Variants in RBFOX1 observed in about 807,000 individuals in gnomAD.
The protein encoded by RBFOX1 is RNA binding fox-1 homolog 1, also known as RNA binding protein fox-1 homolog 1.
A neutral mutation model predicts 57.7 loss-of-function variants in RBFOX1; 8 were observed. The ratio of observed to expected loss-of-function variants is 0.14; its 90% CI spans 0.08 to 0.25. The LOEUF is 0.25. Among genes scored for constraint, RBFOX1 ranks in the 10% least tolerant of loss-of-function variants. RBFOX1 has a pLI of 1.00. For synonymous variants in RBFOX1, 326 were observed against 222.4 expected (o/e 1.47, Z -4.15); for missense variants, 611 against 548.5 (o/e 1.11, Z -1.14).
intron 2 of RBFOX1, among the ~76,000 whole-genome samples, chr16:6,342,788 T>C (rs557370982): frequency 8.5e-5 from 13 of 152,316 alleles, no homozygotes; most frequent in African/African-American, 2.2e-4. Flanking sequence ...GTTATTTCTG[T>C]TATATGCCAC....
intron 4 of RBFOX1, among the ~76,000 whole-genome samples, chr16:5,890,431 G>T (rs113210962): frequency 0.058 from 8,829 of 152,140 alleles, 283 homozygotes; most frequent in African/African-American, 0.077. Context: ...GGGCGCAGTG[G>T]CTCATGCCTG....
At chr16:5,701,111 C>T (rs2051031851) in intron 3 of RBFOX1, among the ~76,000 whole-genome samples, 1 of 97,508 alleles carries the variant, frequency 1.0e-5, no homozygotes, top group Non-Finnish European at 3.0e-5. Context: ...CCAGAAAATG[C>T]CTGTTTATTG....
chr16:6,488,092 G>A (rs74005234), intron 2 of RBFOX1, among the ~76,000 whole-genome samples: 2,915 of 152,166 alleles, frequency 0.019, 100 homozygotes, highest in African/African-American at 0.067. Context: ...AAATCAAGGT[G>A]CACTATTTGC....
chr16:5,903,247 C>G (rs1196556838), intron 4 of RBFOX1, among the ~76,000 whole-genome samples: 1 of 152,210 alleles, frequency 6.6e-6, no homozygotes, highest in Non-Finnish European at 1.5e-5. Flanking sequence ...ATATTCTCCA[C>G]TCTACCTTGT....
intron 3 of RBFOX1, among the ~76,000 whole-genome samples, chr16:6,685,190 A>T (rs780278224): frequency 2.0e-5 from 3 of 152,116 alleles, no homozygotes; most frequent in East Asian, 1.9e-4. Context: ...TTACTAACCA[A>T]AAATAAAGAC....
intron 3 of RBFOX1, among the ~76,000 whole-genome samples, chr16:5,753,345 C>T (rs977710386): frequency 1.3e-5 from 2 of 152,088 alleles, no homozygotes; most frequent in African/African-American, 4.8e-5. Flanking sequence ...GAATTTTACA[C>T]TATGTGCCCT....
intron 2 of RBFOX1, chr16:6,483,275 G>T: frequency 7.5e-7 from 1 of 1,332,184 alleles, no homozygotes; most frequent in South Asian, 1.8e-5. Context: ...GGTGTTGATT[G>T]CCTCCTTGCA....
intron 4 of RBFOX1, among the ~76,000 whole-genome samples, chr16:5,933,425 A>G (rs998253254): frequency 7.2e-5 from 11 of 152,182 alleles, no homozygotes; most frequent in Non-Finnish European, 1.3e-4. Flanking sequence ...TGGCTCCGAC[A>G]TGTCAGCCTG....
chr16:5,890,253 G>C (rs1221277190), intron 4 of RBFOX1, among the ~76,000 whole-genome samples: 1 of 152,180 alleles, frequency 6.6e-6, no homozygotes, highest in Non-Finnish European at 1.5e-5. Context: ...ACAGGCATTA[G>C]TAATGCTCTC....
intron 1 of RBFOX1, chr16:6,038,729 A>T (rs921749845): frequency 1.4e-5 from 2 of 147,406 alleles, no homozygotes; most frequent in Admixed American, 1.4e-4. Context: ...ATTGCTTTAG[A>T]GCTTTGATTT....
chr16:5,662,170 C>G (rs2049674614), intron 3 of RBFOX1, among the ~76,000 whole-genome samples: 1 of 152,132 alleles, frequency 6.6e-6, no homozygotes, highest in Admixed American at 6.5e-5. Flanking sequence ...CCTCAGAAAA[C>G]TGGGATTCGT....
intron 4 of RBFOX1, among the ~76,000 whole-genome samples, chr16:7,315,887 A>G (rs1015297296): frequency 1.3e-5 from 2 of 152,178 alleles, no homozygotes; most frequent in Admixed American, 6.5e-5. Context: ...CTTGGTTTAC[A>G]TATATCTTTG....
intron 3 of RBFOX1, among the ~76,000 whole-genome samples, chr16:6,886,642 C>G (rs983728422): frequency 4.0e-5 from 6 of 151,800 alleles, no homozygotes; most frequent in African/African-American, 1.5e-4. Context: ...GTAATCCTAG[C>G]TGCTCAGGAG....
intron 1 of RBFOX1, among the ~76,000 whole-genome samples, chr16:6,185,937 C>G (rs2152800942): frequency 6.6e-6 from 1 of 152,274 alleles, no homozygotes; most frequent in South Asian, 2.1e-4. Flanking sequence ...GAGCTAAGGA[C>G]AGGCAGACCC....
At chr16:6,363,759 C>A (rs1321705673) in intron 2 of RBFOX1, among the ~76,000 whole-genome samples, 1 of 152,172 alleles carries the variant, frequency 6.6e-6, no homozygotes, top group Admixed American at 6.5e-5. Context: ...TTCACTGACA[C>A]CCAGTGACAG....
chr16:7,663,740 A>C (rs1475031685), intron 12 of RBFOX1, among the ~76,000 whole-genome samples: 1 of 152,172 alleles, frequency 6.6e-6, no homozygotes, highest in East Asian at 1.9e-4. Context: ...GTAAATAACT[A>C]TGATCCTTTT....
intron 2 of RBFOX1, among the ~76,000 whole-genome samples, chr16:5,473,119 C>T (rs1224533663): frequency 6.6e-6 from 1 of 152,198 alleles, no homozygotes; most frequent in South Asian, 2.1e-4. Context: ...CTTTCCATTG[C>T]CCTGTTCTGT....
intron 3 of RBFOX1, among the ~76,000 whole-genome samples, chr16:5,751,183 G>C (rs1434941932): frequency 6.6e-6 from 1 of 152,164 alleles, no homozygotes; most frequent in Non-Finnish European, 1.5e-5. Context: ...AGTTTGAGGA[G>C]CTCTCCCCGA....
intron 4 of RBFOX1, among the ~76,000 whole-genome samples, chr16:7,140,413 T>A (rs547429949): frequency 6.6e-6 from 1 of 152,024 alleles, no homozygotes; most frequent in East Asian, 1.9e-4. Flanking sequence ...TTTGCACTTA[T>A]GTTTTCATGG....
Sources: allele counts gnomAD v4.1 joint callset (sites outside exome capture counted in the v4.1 genomes callset), GRCh38; gene constraint gnomAD v4.1.1; transcripts MANE v1.5; gene names NCBI Gene and HGNC (gene_info 2026-07-23, HGNC 2026-07-21).